The following FGGY variants were observed in gnomAD, a reference collection of about 807,000 sequenced individuals.
The protein encoded by FGGY is FGGY carbohydrate kinase domain-containing protein.
A neutral mutation model predicts 71.3 loss-of-function variants in FGGY; 72 were observed. The observed-to-expected ratio is 1.01, with a 90% CI of 0.84 to 1.23. FGGY has a LOEUF of 1.23. Ranked by LOEUF, FGGY falls within the 50% of genes most tolerant of loss-of-function variation. The pLI is 0.00. For missense variants in FGGY, 668 were observed against 682.3 expected (o/e 0.98, Z 0.23); for synonymous variants, 251 against 250.3 (o/e 1.00, Z -0.02).
Position 59,512,391 on chromosome 1 carries a change from G to T in FGGY, c.751G>T (p.Gly251Trp), listed in dbSNP as rs1487405293. The T allele has an allele frequency of 6.2e-7, 1 of 1,613,868 alleles. No homozygotes were observed. The highest frequency in any genetic ancestry group is 1.1e-5 in the South Asian group (1 of 91,032). The change falls in exon 7 of 16, where the codon GGG becomes TGG. Residue 251 changes from glycine (G) to tryptophan (W), a missense_variant. This residue lies in a region of FGGY where 661 missense variants were observed against 661.6 expected (regional missense o/e 1.00). Transcript: ENST00000303721. ...EAARDLGLLP[G>W]IAVAASLIDA... ...AGCAAGAGACCTTGGCCTTCTCCCTGGGATTGCGGTCGCAGCTTCACTCAT... is the reference window on the plus strand; with the variant it reads ...AGCAAGAGACCTTGGCCTTCTCCCTTGGATTGCGGTCGCAGCTTCACTCAT...
chr1:59,378,779 G>A lies in FGGY; in HGVS notation c.496G>A (p.Gly166Arg), dbSNP rs746227616. The A allele has an allele frequency of 1.2e-5, 19 of 1,613,312 alleles. 1 individual carries two copies. In the South Asian group the frequency reaches 2.0e-4, roughly 17 times the overall value. The change falls in exon 5 of 16, where the codon GGA becomes AGA. Residue 166 changes from glycine (G) to arginine (R), a missense_variant. Transcript: ENST00000303721. ...GAGAGAGATTTGCTGGGATAAGGCG[G>A]GACATTTCTTTGATCTCCCGGACTT... ...NLREICWDKA[G>R]HFFDLPDFLS...
At chr1:59,691,538 C>A (rs1318028822) in intron 14 of FGGY, among the ~76,000 whole-genome samples, 4 of 152,154 alleles carry the variant, frequency 2.6e-5, no homozygotes, top group Non-Finnish European at 5.9e-5. Flanking sequence ...GGGATCTGAC[C>A]TCTTGCTTCA....
chr1:59,390,249 A>G (rs2060535541), intron 5 of FGGY, among the ~76,000 whole-genome samples: 1 of 152,204 alleles, frequency 6.6e-6, no homozygotes, highest in South Asian at 2.1e-4. Flanking sequence ...GATAGTAGAA[A>G]TAATAGGCAT....
At chr1:59,375,207 C>T (rs1286668116) in intron 4 of FGGY, among the ~76,000 whole-genome samples, 1 of 144,498 alleles carries the variant, frequency 6.9e-6, no homozygotes, top group East Asian at 2.1e-4. Context: ...TTGCAGTGAG[C>T]TGAGATCGCA....
chr1:59,599,787 A>G (rs895870410), intron 8 of FGGY, among the ~76,000 whole-genome samples: 1 of 151,720 alleles, frequency 6.6e-6, no homozygotes, highest in Non-Finnish European at 1.5e-5. Context: ...GAACACTAAG[A>G]GTTGAGAAAG....
intron 2 of FGGY, among the ~76,000 whole-genome samples, chr1:59,328,058 G>A (rs2047749152): frequency 1.3e-5 from 2 of 152,174 alleles, no homozygotes; most frequent in South Asian, 4.1e-4. Context: ...AATAGTAAAT[G>A]AGCATTGGCT....
At chr1:59,710,271 C>T (rs1312927543) in intron 14 of FGGY, among the ~76,000 whole-genome samples, 1 of 152,192 alleles carries the variant, frequency 6.6e-6, no homozygotes, top group Admixed American at 6.5e-5. Flanking sequence ...TGGACCCCTT[C>T]CTTACATCTT....
chr1:59,554,622 A>C (rs1028904113), intron 8 of FGGY, among the ~76,000 whole-genome samples: 1 of 152,114 alleles, frequency 6.6e-6, no homozygotes, highest in Non-Finnish European at 1.5e-5. Context: ...TCTCTCAATC[A>C]ATATAAATCC....
intron 14 of FGGY, among the ~76,000 whole-genome samples, chr1:59,705,926 A>G (rs1436852614): frequency 6.6e-6 from 1 of 152,214 alleles, no homozygotes; most frequent in African/African-American, 2.4e-5. Flanking sequence ...TGGTGGAGGC[A>G]TATCTAGCTT....
At chr1:59,656,644 T>A (rs1265131526) in intron 11 of FGGY, among the ~76,000 whole-genome samples, 1 of 152,226 alleles carries the variant, frequency 6.6e-6, no homozygotes, top group African/African-American at 2.4e-5. Context: ...ACCATGGCTC[T>A]AGTGTTAGTG....
intron 14 of FGGY, among the ~76,000 whole-genome samples, chr1:59,748,819 G>A (rs2098221499): frequency 6.6e-6 from 1 of 152,104 alleles, no homozygotes; most frequent in Admixed American, 6.6e-5. Context: ...TAAGCTCCAT[G>A]TGTATGGTAA....
At chr1:59,636,047 T>C (rs1203343711) in intron 10 of FGGY, among the ~76,000 whole-genome samples, 1 of 152,190 alleles carries the variant, frequency 6.6e-6, no homozygotes, top group East Asian at 1.9e-4. Context: ...TTAACTGTAG[T>C]TGTTAAGCCT....
At chr1:59,379,395 T>C (rs936466036) in intron 5 of FGGY, among the ~76,000 whole-genome samples, 3 of 152,162 alleles carry the variant, frequency 2.0e-5, no homozygotes, top group Admixed American at 2.0e-4. Flanking sequence ...CTGTAGGCCA[T>C]TGTGCACAGT....
chr1:59,409,088 T>C (rs1308374926), intron 5 of FGGY, among the ~76,000 whole-genome samples: 3 of 152,218 alleles, frequency 2.0e-5, no homozygotes, highest in Non-Finnish European at 4.4e-5. Context: ...CTTAGATTTT[T>C]CCTTCAAAGT....
intron 7 of FGGY, among the ~76,000 whole-genome samples, chr1:59,536,941 C>T (rs1417104842): frequency 1.3e-5 from 2 of 151,984 alleles, no homozygotes; most frequent in Admixed American, 1.3e-4. Flanking sequence ...TGGCACAAGA[C>T]AGGGATGCCC....
intron 6 of FGGY, among the ~76,000 whole-genome samples, chr1:59,482,350 T>C (rs2093502833): frequency 6.6e-6 from 1 of 152,136 alleles, no homozygotes; most frequent in African/African-American, 2.4e-5. Context: ...AAATGAAGCC[T>C]GTAGCCTTCA....
At chr1:59,553,426 G>A (rs1012607153) in intron 7 of FGGY, among the ~76,000 whole-genome samples, 3 of 152,186 alleles carry the variant, frequency 2.0e-5, no homozygotes, top group Non-Finnish European at 4.4e-5. Context: ...TGCCCTGCAA[G>A]TATCAAGGAA....
chr1:59,317,127 A>G (rs1039479791), intron 1 of FGGY, among the ~76,000 whole-genome samples: 9 of 152,310 alleles, frequency 5.9e-5, no homozygotes, highest in African/African-American at 2.2e-4. Context: ...CAGGGTTGCT[A>G]TAAGGATTAA....
chr1:59,526,827 C>T (rs1427351618), intron 7 of FGGY, among the ~76,000 whole-genome samples: 2 of 152,140 alleles, frequency 1.3e-5, no homozygotes, highest in African/African-American at 4.8e-5. Context: ...GGGTTCAAAC[C>T]CCTGTTTTGC....
Sources: allele counts gnomAD v4.1 joint callset (sites outside exome capture counted in the v4.1 genomes callset), GRCh38; gene constraint gnomAD v4.1.1; regional missense constraint gnomAD v4.1.1; transcripts MANE v1.5; gene names NCBI Gene and HGNC (gene_info 2026-07-23, HGNC 2026-07-21).